The following PROZ variants were observed in gnomAD, a reference collection of about 807,000 sequenced individuals.
PROZ encodes the protein protein Z, vitamin K dependent plasma glycoprotein.
A neutral mutation model predicts 34.9 loss-of-function variants in PROZ; 46 were observed. That is an observed-to-expected ratio of 1.32 (90% CI 1.04 to 1.69). The LOEUF (loss-of-function observed/expected upper bound fraction) is 1.69. Ranked by LOEUF, PROZ falls within the 40% of genes most tolerant of loss-of-function variation. The pLI is 0.00. For missense variants in PROZ, 530 were observed against 520.4 expected, an observed-to-expected ratio of 1.02 and a Z score of -0.18; for synonymous variants, 195 against 208.5, an observed-to-expected ratio of 0.94 and a Z score of 0.56.
rs745389481 is a variant in PROZ, at chr13:113,170,506, C to T, written c.667C>T (p.His223Tyr). 3 of 1,590,212 alleles carry T rather than the reference C, an allele frequency of 1.9e-6. No individual in the cohort carries two copies. Among genetic ancestry groups the T allele is most frequent in the Non-Finnish European group, 2.6e-6 (3 of 1,158,382 alleles). ...VLTTAKCSLL[H>Y]RNITVKTYFN... is the part of the protein sequence containing the mutation. ...GACAACAGCAAAATGTTCACTGTTACACAGGAATATTACTGTAAAAACATG... is the reference window on the plus strand; with the variant it reads ...GACAACAGCAAAATGTTCACTGTTATACAGGAATATTACTGTAAAAACATG... Residue 223 changes from histidine to tyrosine, a missense_variant, in exon 7 of 8, where the codon CAC (histidine) becomes TAC (tyrosine). By Grantham distance (83) the His-to-Tyr change is moderately conservative (BLOSUM62 2). Coordinates refer to ENST00000375547, the MANE Select transcript of PROZ (RefSeq NM_003891.3).
chr13:113,163,280 A>T (rs955263691), intron 4 of PROZ, among the ~76,000 whole-genome samples, 158 bp downstream of exon 4: 1 of 152,082 alleles, frequency 6.6e-6, no homozygotes, highest in Non-Finnish European at 1.5e-5. Flanking sequence ...TCTCATCCCA[A>T]CCAGATTCTC....
chr13:113,163,437 G>T (rs3024727), intron 4 of PROZ, among the ~76,000 whole-genome samples: 2,224 of 152,144 alleles, frequency 0.015, 57 homozygotes, highest in African/African-American at 0.051. Context: ...TCACACACAG[G>T]CGTCCTCAGT....
chr13:113,164,110 A>G (rs986131276), intron 4 of PROZ, among the ~76,000 whole-genome samples: 21 of 151,678 alleles, frequency 1.4e-4, no homozygotes, highest in Non-Finnish European at 2.9e-5. Flanking sequence ...CTCCCGAGTA[A>G]CTGGGACTAC....
intron 6 of PROZ, among the ~76,000 whole-genome samples, chr13:113,168,339 C>T (rs1474321621): frequency 1.3e-5 from 2 of 152,278 alleles, no homozygotes; most frequent in South Asian, 2.1e-4. Flanking sequence ...ATCTGCTGTG[C>T]TGTGAGGCGT....
intron 3 of PROZ, 69 bp from the exon 4 acceptor site, chr13:113,162,940 C>A: frequency 1.1e-6 from 1 of 935,588 alleles, no homozygotes; most frequent in East Asian, 3.1e-5. Context: ...CTGTCACCAC[C>A]CCCACCCTCC....
intron 6 of PROZ, 52 bp downstream of exon 6, chr13:113,165,172 A>G (rs780100917): frequency 2.0e-6 from 3 of 1,533,956 alleles, no homozygotes; most frequent in South Asian, 2.2e-5. Context: ...CTTTCACCTC[A>G]CTTGTCATTT....
chr13:113,169,091 AT>A (rs1222040643), intron 6 of PROZ, among the ~76,000 whole-genome samples: 1 of 151,890 alleles, frequency 6.6e-6, no homozygotes, highest in Non-Finnish European at 1.5e-5. Context: ...CTCTAATTAC[AT>A]GTATCTTAAG....
rs2037123341 is a variant in PROZ at position 113,171,936 on chromosome 13, G to C, written c.1034G>C (p.Ser345Thr). The change falls in exon 8 of 8, where the codon AGC becomes ACC. Residue 345 changes from serine to threonine, a missense_variant. Ser to Thr is a moderately conservative substitution (Grantham distance 58). Coordinates refer to ENST00000375547, the MANE Select transcript of PROZ (RefSeq NM_003891.3). The surrounding 1 kb of genome is among the most constrained non-coding windows in gnomAD (Gnocchi z 5.1). ...VTTRTYCERS[S>T]VAAMHWMDGS... is the part of the protein sequence containing the mutation. ...ACCAGGACCTACTGTGAGAGAAGCA[G>C]CGTGGCGGCCATGCACTGGATGGAT... 1.9e-6 allele frequency: 3 copies of C among 1,613,666 alleles called. No individual in the cohort carries two copies. Among genetic ancestry groups the C allele is most frequent in the Non-Finnish European group, 2.5e-6 (3 of 1,180,050 alleles).
At chr13:113,168,149 G>C (rs528189467) in intron 6 of PROZ, among the ~76,000 whole-genome samples, 7 of 152,234 alleles carry the variant, frequency 4.6e-5, no homozygotes, top group African/African-American at 1.4e-4. Context: ...CATTATTTTT[G>C]TTTAAACAGT....
chr13:113,167,025 T>C (rs1394948249), intron 6 of PROZ, among the ~76,000 whole-genome samples: 1 of 152,238 alleles, frequency 6.6e-6, no homozygotes, highest in East Asian at 1.9e-4. Context: ...TACTTCAGTA[T>C]TATAAATTGT....
At chr13:113,166,418 G>C (rs943158187) in intron 6 of PROZ, 1 of 152,116 alleles carries the variant, frequency 6.6e-6, no homozygotes, top group South Asian at 2.1e-4. Context: ...AGCCTCAGGG[G>C]CCCCCCTTGT....
chr13:113,159,904 TGGAGACGGACG>T lies in PROZ; in HGVS notation c.71-107_71-97del. Reference sequence around the variant, plus strand: ...GAGGCCCTCGCAGGCTGAGAGCCTGTGGAGACGGACGGGGCTGGGGCTGGCGGCCGGCCGGG... The same window carrying T: ...GAGGCCCTCGCAGGCTGAGAGCCTGTGGGCTGGGGCTGGCGGCCGGCCGGG... On this transcript the variant is annotated intron_variant, in intron 1 of 7. Transcript: ENST00000375547. The surrounding 1 kb of genome is among the most constrained non-coding windows in gnomAD (Gnocchi z 4.6). 7.5e-7 allele frequency: 1 copy of T among 1,338,338 alleles called. No individual in the cohort carries two copies. Among genetic ancestry groups the T allele is most frequent in the Non-Finnish European group, 1.1e-6 (1 of 933,064 alleles). The allele number at this position is 1,338,338 out of a possible 1,614,324, so 82.9% of individuals were successfully genotyped here. A position where few individuals can be genotyped will look rare whatever the true frequency, so the allele number is the denominator to read the frequency against.
chr13:113,164,753 T>C, intron 5 of PROZ, 109 bp downstream of exon 5: 2 of 1,509,408 alleles, frequency 1.3e-6, no homozygotes, highest in East Asian at 2.4e-5. Flanking sequence ...TGATAAGCAG[T>C]TGCCACGACT....
At position 113,160,114 on chromosome 13, in the gene PROZ, A is replaced by C; in HGVS notation, c.171A>C (p.Glu57Asp). Residue 57 changes from glutamate (E) to aspartate (D), a missense_variant, in exon 2 of 8, where the codon GAA becomes GAC. Transcript: ENST00000375547. ...EELFEGNLEK[E>D]CYEEICVYEE... is the part of the protein sequence containing the mutation. ...TCTTCGAGGGAAACTTGGAAAAAGA[A>C]TGTTATGAAGAAATCTGTGTCTATG... is the stretch of plus-strand genomic sequence containing the variant. 1.2e-6 allele frequency: 2 copies of C among 1,614,172 alleles called. No individual in the cohort carries two copies. Among genetic ancestry groups the C allele is most frequent in the South Asian group, 1.1e-5 (1 of 91,086 alleles).
At position 113,160,943 on chromosome 13, in the gene PROZ, T is replaced by TC. The variant is rs1566926680; in HGVS notation, c.235-5_235-4insC. The TC allele has an allele frequency of 6.2e-7, 1 of 1,601,526 alleles. No homozygotes were observed. The highest frequency in any genetic ancestry group is 8.6e-7 in the Non-Finnish European group (1 of 1,169,112). On this transcript the variant is annotated splice_region_variant and splice_polypyrimidine_tract_variant and intron_variant, in intron 2 of 7. Transcript: ENST00000375547. ...TTGTAACATTTTTATGTTTTAACTC[T>TC]AAAGGATGAATTCTGGAGACGATAT...
rs1030765683 is a variant in PROZ, at chr13:113,165,221, C to T, written c.573+101C>T. The stretch of plus-strand genomic sequence containing the variant: ...GTTGACAACTAAGTGAATCAGGCAT[C>T]CTGACTTTGATGGGCTACTGACTGC... On this transcript the variant is annotated intron_variant, in intron 6 of 7. Transcript: ENST00000375547. The T allele has an allele frequency of 3.1e-6, 4 of 1,275,336 alleles. No individual in the cohort carries two copies. The African/African-American group carries it at 4.4e-5, about 14-fold the overall frequency. 79.0% of individuals were successfully genotyped at this position (1,275,336 alleles called of 1,614,324 possible).
intron 6 of PROZ, among the ~76,000 whole-genome samples, chr13:113,165,540 G>T (rs988145653): frequency 2.0e-5 from 3 of 151,818 alleles, no homozygotes; most frequent in African/African-American, 7.3e-5. Flanking sequence ...TTTTTGGTTT[G>T]TTTTTTTTGA....
chr13:113,169,339 A>G (rs1255198845), intron 6 of PROZ, among the ~76,000 whole-genome samples: 1 of 152,170 alleles, frequency 6.6e-6, no homozygotes, highest in Non-Finnish European at 1.5e-5. Context: ...TCTCTACTTA[A>G]CTTTTTGAAC....
intron 6 of PROZ, 55 bp downstream of exon 6, chr13:113,165,175 T>A: frequency 1.3e-6 from 2 of 1,526,216 alleles, no homozygotes; most frequent in Non-Finnish European, 1.8e-6. Context: ...TCACCTCACT[T>A]GTCATTTCCT....
Sources: gnomAD v4.1 joint callset for allele counts (sites outside exome capture counted in the v4.1 genomes callset) on GRCh38, gnomAD v4.1.1 for gene constraint, Gnocchi (gnomAD v3.1) non-coding constraint, MANE v1.5 for transcripts, NCBI Gene and HGNC (gene_info 2026-07-23, HGNC 2026-07-21) for gene names.